The following RPTOR variants were observed in gnomAD, a reference collection of about 807,000 sequenced individuals.
The protein encoded by RPTOR is regulatory-associated protein of mTOR.
RPTOR carries 21 observed loss-of-function variants against 169.9 expected under a neutral mutation model. The ratio of observed to expected loss-of-function variants is 0.12; its 90% CI spans 0.09 to 0.18. The LOEUF (loss-of-function observed/expected upper bound fraction) is 0.18. Among genes scored for constraint, RPTOR ranks in the 10% least tolerant of loss-of-function variants. RPTOR has a pLI of 1.00. For missense variants in RPTOR, 1,133 were observed against 1,855.9 expected (o/e 0.61, Z 7.16); for synonymous variants, 732 against 753.2 (o/e 0.97, Z 0.46).
At chr17:80,749,419 G>T (rs1217589876) in intron 5 of RPTOR, among the ~76,000 whole-genome samples, 1 of 83,696 alleles carries the variant, frequency 1.2e-5, no homozygotes, top group East Asian at 4.0e-4. Context: ...CTGTTGGGTG[G>T]ATGGAGGGGC....
At chr17:80,634,494 GTGTGTGTGCA>G (rs2065478257) in intron 2 of RPTOR, among the ~76,000 whole-genome samples, 2 of 78,696 alleles carry the variant, frequency 2.5e-5, no homozygotes, top group African/African-American at 5.7e-5. Context: ...TGTGCATACT[GTGTGTGTGCA>G]TACTGTGTGT....
intron 1 of RPTOR, among the ~76,000 whole-genome samples, chr17:80,578,455 C>G (rs1480750882): frequency 6.6e-6 from 1 of 152,192 alleles, no homozygotes; most frequent in African/African-American, 2.4e-5. Flanking sequence ...GGCCAAACAA[C>G]AGGACAGACG....
At chr17:80,943,260 G>A (rs1248379611) in intron 25 of RPTOR, among the ~76,000 whole-genome samples, 1 of 152,202 alleles carries the variant, frequency 6.6e-6, no homozygotes, top group Admixed American at 6.5e-5. Flanking sequence ...GCAGCCTGCA[G>A]CAGAGTGCCC....
In RPTOR at chr17:80,707,865, C is replaced by G. The variant is rs1232774896; in HGVS notation, c.373C>G (p.Pro125Ala). 4 of 1,613,990 alleles carry G rather than the reference C, an allele frequency of 2.5e-6. No homozygotes were observed. The South Asian group carries it at 3.3e-5, about 13-fold the overall frequency. Reference sequence around the variant, plus strand: ...GGCCCGGTACAAGCAGAGCCTTGACCCAACTGTGGATGAAGTCAAGAAGCT... The same window carrying G: ...GGCCCGGTACAAGCAGAGCCTTGACGCAACTGTGGATGAAGTCAAGAAGCT... ...PRARYKQSLD[P>A]TVDEVKKLCT... is the part of the protein sequence containing the mutation. Residue 125 changes from proline (P) to alanine (A), a missense_variant, in exon 4 of 34, where the codon CCA becomes GCA. Coordinates refer to ENST00000306801, the MANE Select transcript of RPTOR (RefSeq NM_020761.3). This position sits in a 1 kb window ranked among gnomAD's most constrained non-coding sequence, Gnocchi z 5.0.
At chr17:80,598,176 G>A (rs759543049) in intron 1 of RPTOR, among the ~76,000 whole-genome samples, 4 of 152,162 alleles carry the variant, frequency 2.6e-5, no homozygotes, top group East Asian at 3.9e-4. Flanking sequence ...GATGTGGGGC[G>A]TGTGGAAGGA....
intron 5 of RPTOR, among the ~76,000 whole-genome samples, chr17:80,733,791 C>T (rs1033640722): frequency 3.3e-5 from 5 of 152,234 alleles, no homozygotes; most frequent in African/African-American, 1.2e-4. Context: ...TCACTCACGA[C>T]GCCTTCTTGC....
chr17:80,744,421 C>CTACTAGCACTGTCCTGGT (rs2066539314), intron 5 of RPTOR, among the ~76,000 whole-genome samples: 1 of 14,516 alleles, frequency 6.9e-5, no homozygotes, highest in Non-Finnish European at 1.3e-4. Context: ...ACAGCCCTGG[C>CTACTAGCACTGTCCTGGT]TACTAGCACA....
At chr17:80,795,999 A>C (rs1012402427) in intron 7 of RPTOR, among the ~76,000 whole-genome samples, 1 of 152,102 alleles carries the variant, frequency 6.6e-6, no homozygotes, top group Non-Finnish European at 1.5e-5. Flanking sequence ...TGAGGCACCT[A>C]CGACTCCCAG....
chr17:80,958,904 G>A (rs767707866), intron 29 of RPTOR, among the ~76,000 whole-genome samples: 1 of 152,250 alleles, frequency 6.6e-6, no homozygotes, highest in Non-Finnish European at 1.5e-5. Context: ...CAGCGCCTGA[G>A]GTGGCTTTAG....
intron 7 of RPTOR, among the ~76,000 whole-genome samples, chr17:80,814,460 G>A (rs1260454282): frequency 1.3e-5 from 2 of 152,124 alleles, no homozygotes; most frequent in African/African-American, 4.8e-5. Context: ...CGTTTCACGA[G>A]CTTCTTAGAT....
At chr17:80,958,776 G>A (rs2069293649) in intron 29 of RPTOR, among the ~76,000 whole-genome samples, 1 of 152,190 alleles carries the variant, frequency 6.6e-6, no homozygotes, top group Non-Finnish European at 1.5e-5. Flanking sequence ...GGAGTACATT[G>A]GTTTTGCCCA....
chr17:80,774,419 C>G lies in RPTOR; in HGVS notation c.831-17031C>G. ...ATTTGCTCTTACTAATAACCCAGGA[C>G]TTGTCAAAGCAGACGTAGTGCATAA... On this transcript the variant is annotated intron_variant, in intron 6 of 33. Coordinates refer to ENST00000306801, the MANE Select transcript of RPTOR (RefSeq NM_020761.3). 4 of 905,112 alleles carry G rather than the reference C, an allele frequency of 4.4e-6. No homozygotes were observed. In the South Asian group the frequency reaches 1.5e-4, roughly 35 times the overall value. 56.1% of individuals were successfully genotyped at this position (905,112 alleles called of 1,614,324 possible).
chr17:80,642,564 A>T (rs1331061995), intron 2 of RPTOR, among the ~76,000 whole-genome samples: 1 of 152,206 alleles, frequency 6.6e-6, no homozygotes, highest in South Asian at 2.1e-4. Flanking sequence ...CAGATGATCA[A>T]TGCATGATGA....
In RPTOR at chr17:80,947,942, G is replaced by C. The variant is rs1251720728; in HGVS notation, c.3265+591G>C. ...TTTTGGAGGGGTCCGAAATGTCTTAGTTTCATCTTCACTTTGGAACAATCG... is the reference window on the plus strand; with the variant it reads ...TTTTGGAGGGGTCCGAAATGTCTTACTTTCATCTTCACTTTGGAACAATCG... On this transcript the variant is annotated intron_variant, in intron 27 of 33. Coordinates refer to ENST00000306801, the MANE Select transcript of RPTOR (RefSeq NM_020761.3). This position sits in a 1 kb window ranked among gnomAD's most constrained non-coding sequence, Gnocchi z 4.4. Among the ~76,000 whole-genome samples, 1 of 152,236 alleles carries C rather than the reference G, an allele frequency of 6.6e-6. No homozygotes were observed. Among genetic ancestry groups the C allele is most frequent in the Non-Finnish European group, 1.5e-5 (1 of 68,042 alleles).
intron 5 of RPTOR, among the ~76,000 whole-genome samples, chr17:80,749,389 A>G (rs1464786166): frequency 2.4e-5 from 1 of 42,048 alleles, no homozygotes; most frequent in Non-Finnish European, 4.7e-5. Context: ...GTGTGTGTTT[A>G]GACGCCGTGG....
chr17:80,939,023 G>A (rs2068989962), intron 24 of RPTOR, among the ~76,000 whole-genome samples: 1 of 152,226 alleles, frequency 6.6e-6, no homozygotes, highest in Admixed American at 6.5e-5. Context: ...TCTTCTATCA[G>A]AGAAAGCGAC....
At chr17:80,797,354 C>A (rs906652189) in intron 7 of RPTOR, among the ~76,000 whole-genome samples, 1 of 152,158 alleles carries the variant, frequency 6.6e-6, no homozygotes, top group African/African-American at 2.4e-5. Flanking sequence ...CTCTGTGTTA[C>A]CCAGGCTGGT....
intron 1 of RPTOR, among the ~76,000 whole-genome samples, chr17:80,552,112 C>T (rs2084353377): frequency 2.0e-5 from 3 of 152,184 alleles, no homozygotes; most frequent in Admixed American, 2.0e-4. Context: ...AAAATGGAGT[C>T]TCCTATGTCT....
At chr17:80,950,767 TTG>T (rs894431770) in intron 28 of RPTOR, among the ~76,000 whole-genome samples, 1 of 152,116 alleles carries the variant, frequency 6.6e-6, no homozygotes, top group African/African-American at 2.4e-5. Flanking sequence ...TCACCGGCCA[TTG>T]TGTGTCTCTC....
Sources: gnomAD v4.1 joint callset for allele counts (sites outside exome capture counted in the v4.1 genomes callset) on GRCh38, gnomAD v4.1.1 for gene constraint, Gnocchi (gnomAD v3.1) non-coding constraint, MANE v1.5 for transcripts, NCBI Gene and HGNC (gene_info 2026-07-23, HGNC 2026-07-21) for gene names.